PLCB1: variants seen among roughly 807,000 people sequenced by gnomAD.
PLCB1 encodes the protein 1-phosphatidylinositol 4,5-bisphosphate phosphodiesterase beta-1.
A neutral mutation model predicts 161.8 loss-of-function variants in PLCB1; 46 were observed. That is an observed-to-expected ratio of 0.28 (90% CI 0.22 to 0.36). PLCB1 has a LOEUF of 0.36. Among genes scored for constraint, PLCB1 ranks in the 10% least tolerant of loss-of-function variants. The probability of loss-of-function intolerance (pLI) is 1.00; values close to 1 mark genes in which losing one functional copy is unlikely to be tolerated. For synonymous variants in PLCB1, 517 were observed against 503.7 expected (o/e 1.03, Z -0.35); for missense variants, 1,016 against 1,472.5 (o/e 0.69, Z 5.07).
intron 3 of PLCB1, among the ~76,000 whole-genome samples, chr20:8,528,146 T>C (rs969423365): frequency 6.6e-6 from 1 of 152,082 alleles, no homozygotes; most frequent in Non-Finnish European, 1.5e-5. Flanking sequence ...CAGTGTCTTA[T>C]AAAACTAAAC....
intron 1 of PLCB1, among the ~76,000 whole-genome samples, chr20:8,139,081 GTTTTTTTT>G (rs71329695): frequency 1.1e-5 from 1 of 91,628 alleles, no homozygotes; most frequent in East Asian, 3.4e-4. Context: ...TATTTCAAGG[GTTTTTTTT>G]TTTTTTTTTT....
chr20:8,853,740 A>G (rs1986968095), intron 31 of PLCB1, among the ~76,000 whole-genome samples: 2 of 152,232 alleles, frequency 1.3e-5, no homozygotes, highest in South Asian at 4.1e-4. Context: ...ACATTTCCCT[A>G]GAAAGATTCT....
intron 3 of PLCB1, among the ~76,000 whole-genome samples, chr20:8,567,908 T>A (rs1420208816): frequency 6.6e-6 from 1 of 152,228 alleles, no homozygotes; most frequent in Non-Finnish European, 1.5e-5. Context: ...AGTCAATTTA[T>A]ACTTTAAAGG....
chr20:8,614,125 C>T (rs1185595319), intron 3 of PLCB1, among the ~76,000 whole-genome samples: 1 of 151,990 alleles, frequency 6.6e-6, no homozygotes, highest in Admixed American at 6.6e-5. Context: ...TTTCCAATAA[C>T]TAGTCATTTT....
chr20:8,165,266 A>G (rs2051663689), intron 2 of PLCB1, among the ~76,000 whole-genome samples: 1 of 152,220 alleles, frequency 6.6e-6, no homozygotes, highest in African/African-American at 2.4e-5. Flanking sequence ...TAATGGTACC[A>G]TGATAATTTC....
chr20:8,798,846 C>G (rs552410639), intron 31 of PLCB1, among the ~76,000 whole-genome samples: 1 of 152,212 alleles, frequency 6.6e-6, no homozygotes, highest in Non-Finnish European at 1.5e-5. Context: ...AGACAGTTGG[C>G]ACAATAAGAA....
At chr20:8,852,356 A>G (rs1600095464) in intron 31 of PLCB1, among the ~76,000 whole-genome samples, 1 of 152,244 alleles carries the variant, frequency 6.6e-6, no homozygotes, top group East Asian at 1.9e-4. Flanking sequence ...GAGTTGAGCA[A>G]AACCAATTCT....
intron 6 of PLCB1, among the ~76,000 whole-genome samples, chr20:8,649,123 TA>T (rs1203680746): frequency 6.6e-6 from 1 of 152,240 alleles, no homozygotes. Context: ...TTTAATGCAA[TA>T]TTTTTTAATT....
chr20:8,285,105 T>G (rs1260501002), intron 2 of PLCB1, among the ~76,000 whole-genome samples: 4 of 151,400 alleles, frequency 2.6e-5, no homozygotes, highest in East Asian at 3.9e-4. Flanking sequence ...TTCTCTGGCA[T>G]TTTTGTCTCA....
At chr20:8,169,956 T>C (rs1417994103) in intron 2 of PLCB1, among the ~76,000 whole-genome samples, 2 of 152,180 alleles carry the variant, frequency 1.3e-5, no homozygotes, top group Non-Finnish European at 2.9e-5. Flanking sequence ...CATGTTTGAT[T>C]TCTTTTTGTG....
intron 31 of PLCB1, among the ~76,000 whole-genome samples, chr20:8,867,947 A>C (rs1440007977): frequency 6.6e-6 from 1 of 152,162 alleles, no homozygotes; most frequent in African/African-American, 2.4e-5. Context: ...TAAGCACTTA[A>C]TTAATTTTAA....
intron 4 of PLCB1, among the ~76,000 whole-genome samples, chr20:8,632,444 T>A (rs1156457211): frequency 6.6e-6 from 1 of 152,060 alleles, no homozygotes; most frequent in Non-Finnish European, 1.5e-5. Flanking sequence ...AGAAAACAGA[T>A]AAAGACCCTT....
chr20:8,494,498 C>G (rs1415244177), intron 3 of PLCB1, among the ~76,000 whole-genome samples: 1 of 152,208 alleles, frequency 6.6e-6, no homozygotes, highest in Admixed American at 6.5e-5. Context: ...CGCTCTCTTT[C>G]ATTTCAGAAG....
intron 3 of PLCB1, among the ~76,000 whole-genome samples, chr20:8,534,840 G>C (rs924042529): frequency 6.6e-6 from 1 of 152,102 alleles, no homozygotes; most frequent in Non-Finnish European, 1.5e-5. Context: ...GACACAGGCT[G>C]GGAAGCTGGG....
At chr20:8,431,043 TTTA>T (rs1246660949) in intron 3 of PLCB1, among the ~76,000 whole-genome samples, 4 of 151,958 alleles carry the variant, frequency 2.6e-5, no homozygotes, top group Non-Finnish European at 5.9e-5. Flanking sequence ...AGGTTTATAT[TTTA>T]TTATTATATA....
At chr20:8,350,411 G>T (rs893354231) in intron 2 of PLCB1, among the ~76,000 whole-genome samples, 5 of 152,158 alleles carry the variant, frequency 3.3e-5, no homozygotes, top group Non-Finnish European at 5.9e-5. Flanking sequence ...TCCCTGTAAA[G>T]GACATGATCT....
chr20:8,338,849 C>G (rs1479154051), intron 2 of PLCB1, among the ~76,000 whole-genome samples: 1 of 152,162 alleles, frequency 6.6e-6, no homozygotes, highest in Non-Finnish European at 1.5e-5. Context: ...TGACTATTAT[C>G]TTATCATCCA....
chr20:8,285,417 A>G (rs1003016765), intron 2 of PLCB1, among the ~76,000 whole-genome samples: 3 of 152,120 alleles, frequency 2.0e-5, no homozygotes, highest in Non-Finnish European at 4.4e-5. Context: ...GACCATAAAC[A>G]TGAAATAATG....
At chr20:8,605,872 C>T (rs960001654) in intron 3 of PLCB1, among the ~76,000 whole-genome samples, 7 of 133,918 alleles carry the variant, frequency 5.2e-5, no homozygotes, top group Admixed American at 1.5e-4. Flanking sequence ...GTTTAGCTCT[C>T]GCTTGTAAGT....
Sources: allele counts gnomAD v4.1 joint callset (sites outside exome capture counted in the v4.1 genomes callset), GRCh38; gene constraint gnomAD v4.1.1; transcripts MANE v1.5; gene names NCBI Gene and HGNC (gene_info 2026-07-23, HGNC 2026-07-21).